Variants in PARD3B observed in about 807,000 individuals in gnomAD.
PARD3B encodes the protein partitioning defective 3 homolog B.
Under a neutral mutation model 130.2 loss-of-function variants are expected in PARD3B, and 103 were observed. That is an observed-to-expected ratio of 0.79 (90% CI 0.67 to 0.93). PARD3B has a LOEUF of 0.93. Among genes scored for constraint, PARD3B ranks in the 40% least tolerant of loss-of-function variants. The pLI is 0.00. For missense variants in PARD3B, 1,609 were observed against 1,499.2 expected (o/e 1.07, Z -1.21); for synonymous variants, 583 against 553.2 (o/e 1.05, Z -0.76).
At chr2:205,371,986 C>G (rs755870879) in intron 18 of PARD3B, among the ~76,000 whole-genome samples, 1 of 152,118 alleles carries the variant, frequency 6.6e-6, no homozygotes, top group African/African-American at 2.4e-5. Flanking sequence ...TGTATCAGTA[C>G]GTGTATCCCT....
At chr2:205,521,552 A>T (rs1185564265) in intron 21 of PARD3B, among the ~76,000 whole-genome samples, 2 of 113,090 alleles carry the variant, frequency 1.8e-5, no homozygotes, top group Non-Finnish European at 3.6e-5. Context: ...TGATTATATG[A>T]TTTTTTTTCT....
intron 2 of PARD3B, among the ~76,000 whole-genome samples, chr2:204,713,828 C>T (rs1359880545): frequency 3.9e-5 from 2 of 50,860 alleles, no homozygotes; most frequent in Non-Finnish European, 9.9e-5. Context: ...TCAAGGGTTG[C>T]CTTGTGTTTT....
rs1195314515 is a variant in PARD3B, at chr2:205,572,807, G to A, written c.3260+19404G>A. ...GGAAGGGCATTGTGAAACTGTTTAT[G>A]TGGTCCCTACAAAAGATGCTGAAAG... On this transcript the variant is annotated intron_variant, in intron 22 of 22. Coordinates refer to ENST00000406610, the MANE Select transcript of PARD3B (RefSeq NM_001302769.2). The surrounding 1 kb of genome is among the most constrained non-coding windows in gnomAD (Gnocchi z 4.2). Among the ~76,000 whole-genome samples the A allele has an allele frequency of 6.6e-6, 1 of 152,182 alleles. No individual in the cohort carries two copies. Among genetic ancestry groups the A allele is most frequent in the African/African-American group, 2.4e-5 (1 of 41,430 alleles).
At chr2:205,412,028 A>G (rs978614390) in intron 19 of PARD3B, among the ~76,000 whole-genome samples, 6 of 152,118 alleles carry the variant, frequency 3.9e-5, no homozygotes, top group African/African-American at 1.4e-4. Context: ...ATATTACATT[A>G]AGGGGGTGGC....
rs767768042 is a variant in PARD3B at position 205,440,893 on chromosome 2, G to A, written c.3044+221G>A. 6.6e-6 allele frequency among the ~76,000 whole-genome samples: 1 copy of A among 152,180 alleles called. No individual in the cohort carries two copies. The highest frequency in any genetic ancestry group is 1.5e-5 in the Non-Finnish European group (1 of 68,044). On this transcript the variant is annotated intron_variant, in intron 20 of 22. Coordinates refer to ENST00000406610, the MANE Select transcript of PARD3B (RefSeq NM_001302769.2). This position sits in a 1 kb window ranked among gnomAD's most constrained non-coding sequence, Gnocchi z 4.2. ...GGCATGAATGAATAGTAGTAGCAGA[G>A]TTCATGATGCAATAGGGAGCCATTT...
chr2:205,567,695 A>G (rs566813732), intron 22 of PARD3B, among the ~76,000 whole-genome samples: 1 of 151,994 alleles, frequency 6.6e-6, no homozygotes, highest in South Asian at 2.1e-4. Flanking sequence ...GTATCAATTC[A>G]AAAGTTTAAA....
At chr2:204,596,604 A>G (rs941332906) in intron 1 of PARD3B, among the ~76,000 whole-genome samples, 2 of 152,138 alleles carry the variant, frequency 1.3e-5, no homozygotes, top group African/African-American at 4.8e-5. Flanking sequence ...TCAGGTGCAA[A>G]AACATAGAAC....
intron 22 of PARD3B, among the ~76,000 whole-genome samples, chr2:205,586,121 C>T (rs147917772): frequency 6.6e-6 from 1 of 152,216 alleles, no homozygotes; most frequent in Non-Finnish European, 1.5e-5. Context: ...GACAAATTCT[C>T]TGTCTTGGAT....
At chr2:205,022,880 C>T (rs544463613) in intron 3 of PARD3B, among the ~76,000 whole-genome samples, 5 of 152,184 alleles carry the variant, frequency 3.3e-5, no homozygotes, top group Non-Finnish European at 5.9e-5. Flanking sequence ...ACATCTTTCT[C>T]TTTTGCTTGC....
chr2:204,622,526 A>G (rs1051262051), intron 1 of PARD3B, among the ~76,000 whole-genome samples: 1 of 152,184 alleles, frequency 6.6e-6, no homozygotes, highest in African/African-American at 2.4e-5. Context: ...AACATGTCAC[A>G]TTAACTCTAT....
chr2:205,385,734 A>C (rs537348210), intron 18 of PARD3B, among the ~76,000 whole-genome samples: 3 of 152,122 alleles, frequency 2.0e-5, no homozygotes, highest in Non-Finnish European at 2.9e-5. Flanking sequence ...GGCCTAGGCT[A>C]GTAGCTACCA....
intron 6 of PARD3B, 135 bp from the exon 7 acceptor site, chr2:205,118,786 A>T (rs1010679073): frequency 1.5e-6 from 1 of 680,654 alleles, no homozygotes; most frequent in Non-Finnish European, 2.2e-6. Context: ...TTAAAATAAC[A>T]AACAGTTGCC....
intron 15 of PARD3B, among the ~76,000 whole-genome samples, chr2:205,239,887 C>T (rs963963953): frequency 6.6e-6 from 1 of 152,118 alleles, no homozygotes; most frequent in Non-Finnish European, 1.5e-5. Flanking sequence ...TAAATGTTTG[C>T]ACCATTATAC....
intron 3 of PARD3B, among the ~76,000 whole-genome samples, chr2:204,999,139 T>C (rs1466170816): frequency 6.6e-6 from 1 of 152,038 alleles, no homozygotes; most frequent in Non-Finnish European, 1.5e-5. Context: ...CTTCAGGATG[T>C]CTGTATCTGT....
In PARD3B at chr2:205,558,123, T is replaced by C. The variant is rs535239258; in HGVS notation, c.3260+4720T>C. On this transcript the variant is annotated intron_variant, in intron 22 of 22. Transcript: ENST00000406610. The surrounding 1 kb of genome is among the most constrained non-coding windows in gnomAD (Gnocchi z 4.8). ...TGATAAGCTGAGCTAATGGACATGATAGTAGACAGCAGTGCTATGGAGAGG... is the reference window on the plus strand; with the variant it reads ...TGATAAGCTGAGCTAATGGACATGACAGTAGACAGCAGTGCTATGGAGAGG... 7.2e-4 allele frequency among the ~76,000 whole-genome samples: 109 copies of C among 152,298 alleles called. 2 individuals carry two copies. The South Asian group carries it at 0.013, about 18-fold the overall frequency.
At chr2:205,189,844 A>G (rs1200631639) in intron 14 of PARD3B, among the ~76,000 whole-genome samples, 2 of 150,658 alleles carry the variant, frequency 1.3e-5, no homozygotes, top group Non-Finnish European at 2.9e-5. Flanking sequence ...TATTTGCCTT[A>G]TTTCCATTTT....
At chr2:205,610,423 T>A (rs1453770520) in intron 22 of PARD3B, among the ~76,000 whole-genome samples, 1 of 152,098 alleles carries the variant, frequency 6.6e-6, no homozygotes, top group African/African-American at 2.4e-5. Context: ...ACAAAGAAAA[T>A]TTCTTTGCTG....
intron 1 of PARD3B, among the ~76,000 whole-genome samples, chr2:204,668,075 A>G (rs961292408): frequency 3.9e-5 from 6 of 152,188 alleles, no homozygotes; most frequent in Non-Finnish European, 7.3e-5. Context: ...TTTCAAGTCT[A>G]TGAAGTCTTA....
intron 20 of PARD3B, among the ~76,000 whole-genome samples, chr2:205,447,761 T>G (rs1000224315): frequency 6.6e-6 from 1 of 152,354 alleles, no homozygotes; most frequent in Non-Finnish European, 1.5e-5. Context: ...CTCCATGAAC[T>G]GCCTCATGAA....
Sources: allele counts gnomAD v4.1 joint callset (sites outside exome capture counted in the v4.1 genomes callset), GRCh38; gene constraint gnomAD v4.1.1; non-coding constraint Gnocchi (gnomAD v3.1); transcripts MANE v1.5; gene names NCBI Gene and HGNC (gene_info 2026-07-23, HGNC 2026-07-21).